EMP3: variants seen among roughly 807,000 people sequenced by gnomAD.
EMP3 encodes the protein epithelial membrane protein 3 (MAM blood group).
Under a neutral mutation model 21.6 loss-of-function variants are expected in EMP3, and 15 were observed. That is an observed-to-expected ratio of 0.69 (90% CI 0.46 to 1.07). The LOEUF (loss-of-function observed/expected upper bound fraction) is 1.07. EMP3 is among the 50% of genes least tolerant of loss of function. The pLI is 0.00. For synonymous variants in EMP3, 107 were observed against 86.1 expected (o/e 1.24, Z -1.34); for missense variants, 183 against 206.6 (o/e 0.89, Z 0.70).
At position 48,326,856 on chromosome 19, in the gene EMP3, C is replaced by T. The variant is rs1344327952; in HGVS notation, c.12C>T (p.Leu4=). Reference sequence around the variant, plus strand: ...CTTCCACTGCAGCCATGTCACTCCTCTTGCTGGTGGTCTCAGCCCTTCACA... The same window carrying T: ...CTTCCACTGCAGCCATGTCACTCCTTTTGCTGGTGGTCTCAGCCCTTCACA... MSL[L]LLVVSALHIL... Residue 4 remains leucine, a synonymous_variant, in exon 2 of 5, where the codon CTC becomes CTT. Coordinates refer to ENST00000270221, the MANE Select transcript of EMP3 (RefSeq NM_001425.3). 1.9e-6 allele frequency: 3 copies of T among 1,613,892 alleles called. No homozygotes were observed. Among genetic ancestry groups the T allele is most frequent in the East Asian group, 2.2e-5 (1 of 44,842 alleles).
intron 3 of EMP3, chr19:48,327,828 AC>A (rs1969149458): frequency 3.7e-6 from 2 of 537,854 alleles, no homozygotes; most frequent in Non-Finnish European, 6.7e-6. Flanking sequence ...GTTTTTTGAG[AC>A]CGAGTTTTCC....
At chr19:48,326,972 C>A in intron 2 of EMP3, 50 bp downstream of exon 2, 1 of 1,496,610 alleles carries the variant, frequency 6.7e-7, no homozygotes, top group Non-Finnish European at 9.3e-7. Flanking sequence ...TGGAATCTTG[C>A]CACGCCCCTC....
At position 48,329,436 on chromosome 19, in the gene EMP3, A is replaced by G; in HGVS notation, c.266A>G (p.Tyr89Cys). The G allele has an allele frequency of 6.2e-7, 1 of 1,614,096 alleles. No individual in the cohort carries two copies. The highest frequency in any genetic ancestry group is 8.5e-7 in the Non-Finnish European group (1 of 1,180,018). ...TTCATCCTGTTCATGTTCCAGCTCT[A>G]CACCATGCGACGAGGAGGTCTCTTC... ...LSFILFMFQL[Y>C]TMRRGGLFYA... The change falls in exon 4 of 5, where the codon TAC (tyrosine) becomes TGC (cysteine). Residue 89 changes from tyrosine to cysteine, a missense_variant. Physicochemically the swap from Tyr to Cys is radical, Grantham distance 194. Coordinates refer to ENST00000270221, the MANE Select transcript of EMP3 (RefSeq NM_001425.3). The surrounding 1 kb of genome is among the most constrained non-coding windows in gnomAD (Gnocchi z 4.5).
intron 1 of EMP3, 31 bp downstream of exon 1, chr19:48,325,641 G>C (rs1405976188): frequency 6.6e-6 from 1 of 152,200 alleles, no homozygotes; most frequent in Non-Finnish European, 1.5e-5. Context: ...TCAGGGCTGG[G>C]ACTTCTTAAT....
rs1969185322 is a variant in EMP3 at position 48,330,293 on chromosome 19, T to G, written c.323-8T>G. 6.4e-7 allele frequency: 1 copy of G among 1,574,610 alleles called. No homozygotes were observed. The highest frequency in any genetic ancestry group is 1.1e-5 in the South Asian group (1 of 88,058). The stretch of plus-strand genomic sequence containing the variant: ...CACTGCATGACGTGTGGTTTTCATC[T>G]TCCGCAGGCGTGGCGGTGTTTACTG... On this transcript the variant is annotated splice_polypyrimidine_tract_variant and splice_region_variant and intron_variant, in intron 4 of 4. Coordinates refer to ENST00000270221, the MANE Select transcript of EMP3 (RefSeq NM_001425.3).
At chr19:48,326,080 G>T (rs1424083400) in intron 1 of EMP3, 1 of 151,884 alleles carries the variant, frequency 6.6e-6, no homozygotes, top group Non-Finnish European at 1.5e-5. Flanking sequence ...CATAGCCAGG[G>T]GCTGGGGTTT....
intron 2 of EMP3, among the ~76,000 whole-genome samples, chr19:48,327,279 G>A (rs1168461738): frequency 4.6e-5 from 7 of 151,998 alleles, no homozygotes; most frequent in Admixed American, 2.0e-4. Context: ...TGATCCACCT[G>A]CCTCGGCCTC....
chr19:48,327,430 G>A (rs1969139886), intron 2 of EMP3, 91 bp from the exon 3 acceptor site: 4 of 880,064 alleles, frequency 4.5e-6, no homozygotes, highest in African/African-American at 1.7e-5. Context: ...CAGATACCCT[G>A]CCCTTTTCCC....
In EMP3 at chr19:48,330,157, G is replaced by T. The variant is rs553619793; in HGVS notation, c.323-144G>T. The T allele has an allele frequency of 4.1e-6, 5 of 1,214,140 alleles. No homozygotes were observed. The East Asian group carries it at 1.1e-4, about 27-fold the overall frequency. The allele number at this position is 1,214,140 out of a possible 1,614,324, so 75.2% of individuals were successfully genotyped here. On this transcript the variant is annotated intron_variant, in intron 4 of 4. Coordinates refer to ENST00000270221, the MANE Select transcript of EMP3 (RefSeq NM_001425.3). ...TAAGGCCGCGCTACAGTTGCACGGC[G>T]CTGGGCGGGGGGGAAAGAACCACAA...
intron 1 of EMP3, chr19:48,325,912 G>A (rs1444408583): frequency 6.6e-6 from 1 of 152,176 alleles, no homozygotes; most frequent in Non-Finnish European, 1.5e-5. Flanking sequence ...CCAAATCTGG[G>A]AGACCTCTAG....
chr19:48,326,325 GTCC>G (rs898506635), intron 1 of EMP3, among the ~76,000 whole-genome samples: 92 of 152,052 alleles, frequency 6.1e-4, no homozygotes, highest in African/African-American at 1.9e-3. Context: ...CACATTGCTA[GTCC>G]TCCTCATTCA....
chr19:48,329,378 A>G lies in EMP3; in HGVS notation c.208A>G (p.Met70Val). ...CTGGCTGAAGGCGGTGCAGGTCCTC[A>G]TGGTGCTCTCCCTCATTCTCTGCTG... Reference protein sequence around the residue: ...NGWLKAVQVLMVLSLILCCLS... With the variant: ...NGWLKAVQVLVVLSLILCCLS... Residue 70 changes from methionine (M) to valine (V), a missense_variant, in exon 4 of 5, where the codon ATG becomes GTG. Met to Val is a conservative substitution (Grantham distance 21). Coordinates refer to ENST00000270221, the MANE Select transcript of EMP3 (RefSeq NM_001425.3). The surrounding 1 kb of genome is among the most constrained non-coding windows in gnomAD (Gnocchi z 4.5). 1.2e-6 allele frequency: 2 copies of G among 1,613,994 alleles called. No individual in the cohort carries two copies. The highest frequency in any genetic ancestry group is 1.7e-6 in the Non-Finnish European group (2 of 1,179,996).
Position 48,326,691 on chromosome 19 carries a change from T to C in EMP3, c.-15-139T>C, listed in dbSNP as rs1600882565. 1.1e-5 allele frequency: 8 copies of C among 697,874 alleles called. No homozygotes were observed. The East Asian group carries it at 2.1e-4, about 18-fold the overall frequency. The allele number at this position is 697,874 out of a possible 1,614,324, so 43.2% of individuals were successfully genotyped here. On this transcript the variant is annotated intron_variant, in intron 1 of 4. Coordinates refer to ENST00000270221, the MANE Select transcript of EMP3 (RefSeq NM_001425.3). ...TTTTAGTAGAGATGGGGTTTCACCA[T>C]GTTGGCCAGGCTGGTCTCGATCTCC... is the stretch of plus-strand genomic sequence containing the variant.
At chr19:48,330,264 G>A (rs765430218) in intron 4 of EMP3, 37 bp from the exon 5 acceptor site, 5 of 1,528,822 alleles carry the variant, frequency 3.3e-6, no homozygotes, top group Non-Finnish European at 4.4e-6. Flanking sequence ...TAGTCTTGAG[G>A]GGGCACTGCA....
chr19:48,329,123 GA>G lies in EMP3; in HGVS notation c.182-221del, dbSNP rs984292268. 11 of 536,942 alleles carry G rather than the reference GA, an allele frequency of 2.0e-5. No homozygotes were observed. Among genetic ancestry groups the G allele is most frequent in the Middle Eastern group, 5.2e-4 (1 of 1,940 alleles). 33.3% of individuals were successfully genotyped at this position (536,942 alleles called of 1,614,324 possible). A position where few individuals can be genotyped will look rare whatever the true frequency, so the allele number is the denominator to read the frequency against. On this transcript the variant is annotated intron_variant, in intron 3 of 4. Transcript: ENST00000270221. The surrounding 1 kb of genome is among the most constrained non-coding windows in gnomAD (Gnocchi z 4.5). ...GGCAACAGAGCAAGACCTGGTTTCA[GA>G]AAAAAAAGAAAAAGGAAATTGGCAA...
Sources: allele counts gnomAD v4.1 joint callset (sites outside exome capture counted in the v4.1 genomes callset), GRCh38; gene constraint gnomAD v4.1.1; non-coding constraint Gnocchi (gnomAD v3.1); transcripts MANE v1.5; gene names NCBI Gene and HGNC (gene_info 2026-07-23, HGNC 2026-07-21).